TSHR: variants seen among roughly 807,000 people sequenced by gnomAD.
The protein encoded by TSHR is thyrotropin receptor.
A neutral mutation model predicts 64.1 loss-of-function variants in TSHR; 51 were observed. The ratio of observed to expected loss-of-function variants is 0.80; its 90% CI spans 0.64 to 1.01. The LOEUF (loss-of-function observed/expected upper bound fraction) is 1.01. Ranked by LOEUF, TSHR falls within the 50% of genes least tolerant of loss-of-function variation. The probability of loss-of-function intolerance (pLI) is 0.00; values close to 1 mark genes in which losing one functional copy is unlikely to be tolerated. For synonymous variants in TSHR, 361 were observed against 361.9 expected, an observed-to-expected ratio of 1.00 and a Z score of 0.03; for missense variants, 877 against 942.8, an observed-to-expected ratio of 0.93 and a Z score of 0.91.
intron 1 of TSHR, among the ~76,000 whole-genome samples, chr14:81,027,915 C>T (rs573913636): frequency 4.5e-4 from 69 of 152,206 alleles, no homozygotes; most frequent in African/African-American, 1.6e-3. Context: ...CCAATCTTCT[C>T]ATTTTTAAAT....
chr14:81,093,414 A>G (rs898633410), intron 6 of TSHR, among the ~76,000 whole-genome samples: 2 of 152,250 alleles, frequency 1.3e-5, no homozygotes, highest in East Asian at 1.9e-4. Context: ...GTCACAAAGT[A>G]GAGTTGGAGC....
chr14:81,021,775 G>A (rs547705425), intron 1 of TSHR, among the ~76,000 whole-genome samples: 2 of 152,264 alleles, frequency 1.3e-5, no homozygotes, highest in African/African-American at 4.8e-5. Flanking sequence ...TTTTAAATAT[G>A]TAAAATGTAT....
rs1233399059 is a variant in TSHR at position 81,088,087 on chromosome 14, CT to C, written c.392+60del. On this transcript the variant is annotated intron_variant, in intron 4 of 9. Coordinates refer to ENST00000298171, the MANE Select transcript of TSHR (RefSeq NM_000369.5). ...TGGGGGGAGGGGGTCAGATTTAATG[CT>C]GTTGTCTCCCAGGAATCTCCCTAGA... is the stretch of plus-strand genomic sequence containing the variant. 24 of 1,318,454 alleles carry C rather than the reference CT, an allele frequency of 1.8e-5. No individual in the cohort carries two copies. In the African/African-American group the frequency reaches 2.8e-4, roughly 15 times the overall value. The allele number at this position is 1,318,454 out of a possible 1,614,324, so 81.7% of individuals were successfully genotyped here.
chr14:80,964,139 G>A (rs1030514314), intron 1 of TSHR, among the ~76,000 whole-genome samples: 1 of 152,122 alleles, frequency 6.6e-6, no homozygotes, highest in Non-Finnish European at 1.5e-5. Context: ...GGCGGAGCGG[G>A]GGCGGATCAC....
intron 8 of TSHR, among the ~76,000 whole-genome samples, chr14:81,131,355 G>A (rs967333587): frequency 4.6e-5 from 7 of 152,000 alleles, no homozygotes; most frequent in Non-Finnish European, 8.8e-5. Context: ...CTGTTTCCAC[G>A]CCTTACTCAC....
At chr14:81,000,874 C>T (rs913861181) in intron 1 of TSHR, among the ~76,000 whole-genome samples, 13 of 152,220 alleles carry the variant, frequency 8.5e-5, no homozygotes, top group African/African-American at 3.1e-4. Context: ...CCAGTGGCAG[C>T]CTCTGTCTCT....
intron 1 of TSHR, among the ~76,000 whole-genome samples, chr14:80,960,639 A>C (rs1594890884): frequency 1.3e-5 from 2 of 152,326 alleles, no homozygotes; most frequent in South Asian, 2.1e-4. Context: ...CTGTATACCT[A>C]TGTGTATATA....
chr14:80,955,767 C>G lies in TSHR; in HGVS notation c.87C>G (p.Cys29Trp), dbSNP rs777166186. ...GAATGGGGTGTTCGTCTCCACCCTG[C>G]GAGTGCCATCAGGAGGAGGACTTCA... Reference protein sequence around the residue: ...LGGMGCSSPPCECHQEEDFRV... With the variant: ...LGGMGCSSPPWECHQEEDFRV... The change falls in exon 1 of 10, where the codon TGC (cysteine) becomes TGG (tryptophan). Residue 29 changes from cysteine (C) to tryptophan (W), a missense_variant. Coordinates refer to ENST00000298171, the MANE Select transcript of TSHR (RefSeq NM_000369.5). The G allele has an allele frequency of 5.0e-6, 8 of 1,614,066 alleles. No homozygotes were observed. Among genetic ancestry groups the G allele is most frequent in the East Asian group, 4.5e-5 (2 of 44,888 alleles).
intron 2 of TSHR, among the ~76,000 whole-genome samples, chr14:81,065,782 T>G (rs1330366018): frequency 6.6e-6 from 1 of 152,182 alleles, no homozygotes; most frequent in African/African-American, 2.4e-5. Flanking sequence ...TAAAAGCACA[T>G]ACACATACCT....
At chr14:80,998,836 A>T (rs1489525862) in intron 1 of TSHR, among the ~76,000 whole-genome samples, 1 of 152,156 alleles carries the variant, frequency 6.6e-6, no homozygotes. Context: ...TTTTGTAATC[A>T]TACCCTCTTG....
At chr14:80,959,087 G>A (rs1202520754) in intron 1 of TSHR, among the ~76,000 whole-genome samples, 2 of 152,122 alleles carry the variant, frequency 1.3e-5, no homozygotes, top group Non-Finnish European at 2.9e-5. Flanking sequence ...CAGCCCCGTG[G>A]TCTTATGGAT....
intron 8 of TSHR, among the ~76,000 whole-genome samples, chr14:81,127,158 T>C (rs2140078135): frequency 6.6e-6 from 1 of 152,346 alleles, no homozygotes; most frequent in South Asian, 2.1e-4. Context: ...GTTTTTAGCA[T>C]GTAGAATTAG....
At chr14:80,978,413 C>A (rs572439336) in intron 1 of TSHR, among the ~76,000 whole-genome samples, 1 of 152,128 alleles carries the variant, frequency 6.6e-6, no homozygotes, top group Admixed American at 6.5e-5. Context: ...GCTGAGACAG[C>A]GTTAGGAGTG....
intron 3 of TSHR, among the ~76,000 whole-genome samples, chr14:81,073,386 T>C (rs941020666): frequency 1.3e-5 from 2 of 152,086 alleles, no homozygotes; most frequent in African/African-American, 4.8e-5. Context: ...TCATATTGGC[T>C]TATAAAAAAT....
chr14:81,090,532 T>C (rs1018057576), intron 4 of TSHR, among the ~76,000 whole-genome samples: 1 of 151,986 alleles, frequency 6.6e-6, no homozygotes, highest in Middle Eastern at 3.4e-3. Context: ...TGAGCCCCTG[T>C]GCCCGGCTCT....
At chr14:81,016,262 T>C (rs1397694990) in intron 1 of TSHR, among the ~76,000 whole-genome samples, 1 of 152,210 alleles carries the variant, frequency 6.6e-6, no homozygotes, top group East Asian at 1.9e-4. Flanking sequence ...GTGATCCATT[T>C]TCTCCACACC....
chr14:81,046,485 T>C (rs546196605), intron 1 of TSHR, among the ~76,000 whole-genome samples: 1 of 149,884 alleles, frequency 6.7e-6, no homozygotes, highest in Non-Finnish European at 1.5e-5. Context: ...TAGCCAAAAT[T>C]AAGCCCAGAG....
chr14:81,024,009 C>T (rs989600459), intron 1 of TSHR, among the ~76,000 whole-genome samples: 6 of 152,260 alleles, frequency 3.9e-5, no homozygotes, highest in Admixed American at 1.3e-4. Flanking sequence ...AGATATTCTT[C>T]TCAGTGATTG....
intron 2 of TSHR, among the ~76,000 whole-genome samples, chr14:81,062,496 T>C (rs1886316602): frequency 6.6e-6 from 1 of 152,152 alleles, no homozygotes; most frequent in African/African-American, 2.4e-5. Flanking sequence ...TCTTGGGATA[T>C]GGCAAAACCT....
Sources: gnomAD v4.1 joint callset for allele counts (sites outside exome capture counted in the v4.1 genomes callset) on GRCh38, gnomAD v4.1.1 for gene constraint, MANE v1.5 for transcripts, NCBI Gene and HGNC (gene_info 2026-07-23, HGNC 2026-07-21) for gene names.